The following ACAA1 variants were observed in gnomAD, a reference collection of about 807,000 sequenced individuals.
The protein encoded by ACAA1 is 3-ketoacyl-CoA thiolase, peroxisomal.
ACAA1 carries 44 observed loss-of-function variants against 48.8 expected under a neutral mutation model. The observed-to-expected ratio is 0.90, with a 90% CI of 0.71 to 1.16. The LOEUF (loss-of-function observed/expected upper bound fraction) is 1.16. ACAA1 is among the 50% of genes most tolerant of loss of function. The probability of loss-of-function intolerance (pLI) is 0.00; values close to 1 mark genes in which losing one functional copy is unlikely to be tolerated. For missense variants in ACAA1, 512 were observed against 562.3 expected (o/e 0.91, Z 0.90); for synonymous variants, 233 against 226.5 (o/e 1.03, Z -0.26).
At chr3:38,124,806 T>C (rs935825464) in intron 11 of ACAA1, 2 of 152,336 alleles carry the variant, frequency 1.3e-5, no homozygotes, top group Non-Finnish European at 2.9e-5. Flanking sequence ...AAATTTCTGA[T>C]GTCCAAGGCA....
At chr3:38,123,905 G>C (rs555811007) in intron 11 of ACAA1, 2 of 151,946 alleles carry the variant, frequency 1.3e-5, no homozygotes, top group South Asian at 2.1e-4. Context: ...GGAGGCTGAG[G>C]CTGAGGCAGG....
At chr3:38,125,743 C>T in intron 10 of ACAA1, 33 bp from the exon 11 acceptor site, 2 of 1,613,794 alleles carry the variant, frequency 1.2e-6, no homozygotes, top group Non-Finnish European at 1.7e-6. Context: ...CTATAGCCCT[C>T]TTACCCCTCC....
At chr3:38,125,311 G>T (rs1466417416) in intron 11 of ACAA1, 1 of 355,006 alleles carries the variant, frequency 2.8e-6, no homozygotes, top group African/African-American at 2.1e-5. Flanking sequence ...GTCAAGTGTA[G>T]AAGTAAGAAG....
chr3:38,131,702 C>G lies in ACAA1; in HGVS notation c.404-64G>C. 2.6e-6 allele frequency: 4 copies of G among 1,558,770 alleles called. No homozygotes were observed. In the South Asian group the frequency reaches 4.4e-5, roughly 17 times the overall value. ...TCCACCTGTTCTGGAAGCAGTGGAG[C>G]CTCTTCCCCACCTGGTCTCTAGATG... On this transcript the variant is annotated intron_variant, in intron 4 of 11. Transcript: ENST00000333167.
chr3:38,136,902 C>A lies in ACAA1; in HGVS notation c.134G>T (p.Arg45Leu), dbSNP rs1004255722. ...GCGGCCCGCCCGGCAGATGGCCGTG[C>A]GCCGCCCGTGCACCACCACCACGTC... ...AADVVVVHGR[R>L]TAICRAGRGG... The change falls in exon 1 of 12, where the codon CGC becomes CTC. Residue 45 changes from arginine (R) to leucine (L), a missense_variant. Coordinates refer to ENST00000333167, the MANE Select transcript of ACAA1 (RefSeq NM_001607.4). The A allele has an allele frequency of 2.7e-5, 42 of 1,533,498 alleles. No individual in the cohort carries two copies. The highest frequency in any genetic ancestry group is 4.2e-5 in the African/African-American group (3 of 71,898). The allele number at this position is 1,533,498 out of a possible 1,614,324, so 95.0% of individuals were successfully genotyped here. A position where few individuals can be genotyped will look rare whatever the true frequency, so the allele number is the denominator to read the frequency against.
At chr3:38,133,856 C>A (rs1250028591) in intron 3 of ACAA1, 96 bp downstream of exon 3, 1 of 1,350,584 alleles carries the variant, frequency 7.4e-7, no homozygotes, top group Non-Finnish European at 1.1e-6. Context: ...TGGTGTCCAA[C>A]CTTATCCTCC....
intron 11 of ACAA1, 26 bp downstream of exon 11, chr3:38,125,539 C>A (rs747049283): frequency 3.3e-6 from 5 of 1,520,822 alleles, no homozygotes; most frequent in Admixed American, 2.2e-5. Flanking sequence ...CCCCCTATGA[C>A]CCCACCGCCA....
In ACAA1 at chr3:38,122,757, ATGGATTTGCCT is replaced by A. The variant is rs1700557981; in HGVS notation, c.*279_*289del. 16 of 1,258,794 alleles carry A rather than the reference ATGGATTTGCCT, an allele frequency of 1.3e-5. No individual in the cohort carries two copies. The highest frequency in any genetic ancestry group is 1.6e-5 in the Non-Finnish European group (15 of 948,644). 78.0% of individuals were successfully genotyped at this position (1,258,794 alleles called of 1,614,324 possible). On this transcript the variant is annotated 3_prime_UTR_variant, in exon 12 of 12. Transcript: ENST00000333167. Reference sequence around the variant, plus strand: ...ACTATGCCCATTGCACTTCTCATCCATGGATTTGCCTTGCCTTAAGAATTAACCATGGCCTT... The same window carrying A: ...ACTATGCCCATTGCACTTCTCATCCATGCCTTAAGAATTAACCATGGCCTT...
rs759224100 is a variant in ACAA1, at chr3:38,129,280, G to A, written c.545+10C>T. On this transcript the variant is annotated intron_variant, in intron 6 of 11. Coordinates refer to ENST00000333167, the MANE Select transcript of ACAA1 (RefSeq NM_001607.4). This position sits in a 1 kb window ranked among gnomAD's most constrained non-coding sequence, Gnocchi z 5.3. ...AGGGCACAAGCACACAGAGCTATGG[G>A]AGCACTCACCCCATAGGAATCAGGC... The A allele has an allele frequency of 3.7e-6, 6 of 1,611,522 alleles. No homozygotes were observed. In the African/African-American group the frequency reaches 8.0e-5, roughly 22 times the overall value.
chr3:38,126,061 T>C lies in ACAA1; in HGVS notation c.997+101A>G. 2.0e-6 allele frequency: 3 copies of C among 1,487,616 alleles called. No homozygotes were observed. The highest frequency in any genetic ancestry group is 2.8e-6 in the Non-Finnish European group (3 of 1,087,920). 92.2% of individuals were successfully genotyped at this position (1,487,616 alleles called of 1,614,324 possible). On this transcript the variant is annotated intron_variant, in intron 9 of 11. Transcript: ENST00000333167. The surrounding 1 kb of genome is among the most constrained non-coding windows in gnomAD (Gnocchi z 4.7). ...ACACTAGCCTGCCCCACCTCCACTC[T>C]GCAGCACCCACAGGACCACCCTCAT...
Position 38,125,845 on chromosome 3 carries a change from T to A in ACAA1, c.1034A>T (p.Asn345Ile), listed in dbSNP as rs528682842. Residue 345 changes from asparagine (N) to isoleucine (I), a missense_variant, in exon 10 of 12, where the codon AAT (asparagine) becomes ATT (isoleucine). By Grantham distance (149) the Asn-to-Ile change is moderately radical. Transcript: ENST00000333167. The stretch of plus-strand genomic sequence containing the variant: ...GCTCACCTGGCTTGCAAAGGCCTCA[T>A]TGATCTCGAAGATGTCCACGTCACT... The part of the protein sequence containing the change: ...TVSDVDIFEI[N>I]EAFASQAAYC... The A allele has an allele frequency of 6.2e-7, 1 of 1,614,056 alleles. No individual in the cohort carries two copies. Among genetic ancestry groups the A allele is most frequent in the South Asian group, 1.1e-5 (1 of 91,090 alleles).
rs1483018642 is a variant in ACAA1, at chr3:38,126,299, A to G, written c.860T>C (p.Leu287Pro). Residue 287 changes from leucine (L) to proline (P), a missense_variant, in exon 9 of 12, where the codon CTG becomes CCG. Transcript: ENST00000333167. This position sits in a 1 kb window ranked among gnomAD's most constrained non-coding sequence, Gnocchi z 4.7. ...CTCTTCTGCCTTGGACCTCCGGGCC[A>G]GCAGGATGGCAGCTGCCCCATCACT... ...QVSDGAAAIL[L>P]ARRSKAEELG... 9.9e-6 allele frequency: 16 copies of G among 1,614,060 alleles called. No homozygotes were observed. Among genetic ancestry groups the G allele is most frequent in the Admixed American group, 3.3e-5 (2 of 60,012 alleles).
intron 9 of ACAA1, 111 bp from the exon 10 acceptor site, chr3:38,125,992 G>A (rs1296687992): frequency 5.2e-6 from 8 of 1,539,552 alleles, no homozygotes; most frequent in African/African-American, 2.7e-5. Context: ...CCAGAAGGGT[G>A]AGCCAATCCC....
At chr3:38,130,794 T>C (rs184941120) in intron 5 of ACAA1, among the ~76,000 whole-genome samples, 21 of 152,340 alleles carry the variant, frequency 1.4e-4, no homozygotes, top group Admixed American at 2.0e-4. Flanking sequence ...ACATAGGTCA[T>C]TACAACTCAG....
chr3:38,122,862 C>A lies in ACAA1; in HGVS notation c.*185G>T. ...GAGGGTCTGATGGGTGGCTCAACAC[C>A]CCACCCACTCCTATACCATGTCATC... is the stretch of plus-strand genomic sequence containing the variant. On this transcript the variant is annotated 3_prime_UTR_variant, in exon 12 of 12. Transcript: ENST00000333167. 1.3e-6 allele frequency: 1 copy of A among 775,630 alleles called. No individual in the cohort carries two copies. The highest frequency in any genetic ancestry group is 2.0e-6 in the Non-Finnish European group (1 of 495,694). The allele number at this position is 775,630 out of a possible 1,614,324, so 48.0% of individuals were successfully genotyped here. A position where few individuals can be genotyped will look rare whatever the true frequency, so the allele number is the denominator to read the frequency against.
chr3:38,123,556 A>G (rs1700591726), intron 11 of ACAA1: 1 of 171,312 alleles, frequency 5.8e-6, no homozygotes, highest in Non-Finnish European at 1.2e-5. Flanking sequence ...ATAATTTGGA[A>G]GCCTGGCCTG....
chr3:38,127,554 G>T, intron 7 of ACAA1: 1 of 568,846 alleles, frequency 1.8e-6, no homozygotes, highest in Non-Finnish European at 3.2e-6. Flanking sequence ...GGAAACTGAG[G>T]CCTAGCTAGG....
chr3:38,125,604 A>C lies in ACAA1; in HGVS notation c.1160T>G (p.Val387Gly). The C allele has an allele frequency of 6.3e-7, 1 of 1,591,272 alleles. No individual in the cohort carries two copies. Among genetic ancestry groups the C allele is most frequent in the Non-Finnish European group, 8.6e-7 (1 of 1,167,942 alleles). Residue 387 changes from valine (V) to glycine (G), a missense_variant, in exon 11 of 12, where the codon GTC (valine) becomes GGC (glycine). By Grantham distance (109) the Val-to-Gly change is moderately radical. Transcript: ENST00000333167. ...CTTCAGCTCATTGAGCAGCGTGATG[A>C]CCTGTCGTGCCCCAGTGCAGCCCAG... is the stretch of plus-strand genomic sequence containing the variant. Reference protein sequence around the residue: ...HPLGCTGARQVITLLNELKRR... With the variant: ...HPLGCTGARQGITLLNELKRR...
At chr3:38,132,503 T>C (rs941992019) in intron 3 of ACAA1, 2 of 154,448 alleles carry the variant, frequency 1.3e-5, no homozygotes, top group African/African-American at 4.8e-5. Flanking sequence ...TCCCATGGAC[T>C]CTTGAAAGCC....
Sources: gnomAD v4.1 joint callset for allele counts (sites outside exome capture counted in the v4.1 genomes callset) on GRCh38, gnomAD v4.1.1 for gene constraint, Gnocchi (gnomAD v3.1) non-coding constraint, MANE v1.5 for transcripts, NCBI Gene and HGNC (gene_info 2026-07-23, HGNC 2026-07-21) for gene names.